Variants in MCFD2 observed in about 807,000 individuals in gnomAD.
MCFD2 encodes the protein multiple coagulation factor deficiency 2, ER cargo receptor complex subunit, also known as multiple coagulation factor deficiency protein 2.
In MCFD2, 11 loss-of-function variants were observed where a neutral mutation model predicts 12.8. The ratio of observed to expected loss-of-function variants is 0.86; its 90% confidence interval spans 0.54 to 1.42. MCFD2 has a LOEUF of 1.42. Among genes scored for constraint, MCFD2 ranks in the 40% most tolerant of loss-of-function variants. MCFD2 has a pLI of 0.00. For missense variants in MCFD2, 191 were observed against 178.6 expected, an observed-to-expected ratio of 1.07 and a Z score of -0.40; for synonymous variants, 70 against 68.1, an observed-to-expected ratio of 1.03 and a Z score of -0.14.
At chr2:46,917,171 TC>T (rs1245659460), upstream of MCFD2, 1 of 701,516 alleles carries the variant, frequency 1.4e-6, no homozygotes, top group Non-Finnish European at 2.6e-6. Context: ...AATTTTTTTT[TC>T]TTTTTTTAAA....
At chr2:46,936,806 T>C (rs1326148757) in intron 1 of MCFD2, among the ~76,000 whole-genome samples, 1 of 151,918 alleles carries the variant, frequency 6.6e-6, no homozygotes, top group Non-Finnish European at 1.5e-5. Flanking sequence ...CATCCAGTGG[T>C]CTTCTTTTTT....
upstream of MCFD2, chr2:46,916,064 G>T (rs1668769923): frequency 3.0e-6 from 3 of 985,344 alleles, no homozygotes; most frequent in Non-Finnish European, 3.6e-6. Flanking sequence ...AGGCAACGCC[G>T]GAAGCCCTCA....
intron 1 of MCFD2, among the ~76,000 whole-genome samples, chr2:46,910,453 C>T (rs376951681): frequency 6.6e-6 from 1 of 152,214 alleles, no homozygotes; most frequent in African/African-American, 2.4e-5. Context: ...TTGTAGTCCA[C>T]AGCCCCAAAC....
chr2:46,916,959 C>A (rs2103785817), upstream of MCFD2, among the ~76,000 whole-genome samples: 1 of 151,688 alleles, frequency 6.6e-6, no homozygotes, highest in East Asian at 2.0e-4. Flanking sequence ...TAAAGCCCTT[C>A]TCCCATTTCT....
chr2:46,906,634 T>C (rs1036852652), intron 3 of MCFD2, among the ~76,000 whole-genome samples: 3 of 151,168 alleles, frequency 2.0e-5, no homozygotes, highest in Non-Finnish European at 3.0e-5. Flanking sequence ...GCAGCTGGGA[T>C]TACAGGCAAG....
At chr2:46,906,372 G>C (rs1263858214) in intron 3 of MCFD2, among the ~76,000 whole-genome samples, 1 of 151,712 alleles carries the variant, frequency 6.6e-6, no homozygotes, top group African/African-American at 2.4e-5. Flanking sequence ...TGCACTCCTA[G>C]CAGCGAATGT....
intron 1 of MCFD2, among the ~76,000 whole-genome samples, chr2:46,914,945 C>G (rs1006086631): frequency 1.3e-5 from 2 of 152,118 alleles, no homozygotes; most frequent in East Asian, 1.9e-4. Flanking sequence ...CTTTGCAAGC[C>G]CCGTTCAAGA....
chr2:46,914,275 T>A (rs1007345170), intron 1 of MCFD2, among the ~76,000 whole-genome samples: 2 of 152,230 alleles, frequency 1.3e-5, no homozygotes, highest in Non-Finnish European at 2.9e-5. Flanking sequence ...CCAGCCTTCC[T>A]GCCAGCAGCT....
At chr2:46,916,790 T>A (rs6733548), upstream of MCFD2, among the ~76,000 whole-genome samples, 31,929 of 151,704 alleles carry the variant, frequency 0.21, 5,242 homozygotes, top group African/African-American at 0.46. Context: ...GCGTGCCACC[T>A]TGCCCGGCTA....
chr2:46,924,099 G>T (rs1669261878), intron 1 of MCFD2, among the ~76,000 whole-genome samples: 1 of 151,880 alleles, frequency 6.6e-6, no homozygotes, highest in African/African-American at 2.4e-5. Context: ...AGCTACCCAG[G>T]AGGCAGAGGT....
chr2:46,925,549 CAATA>C (rs371347836), intron 1 of MCFD2, among the ~76,000 whole-genome samples: 37 of 152,038 alleles, frequency 2.4e-4, no homozygotes, highest in African/African-American at 8.4e-4. Context: ...CAAAGTGTCT[CAATA>C]AATAAATAAA....
At chr2:46,906,531 G>C (rs1668245413) in intron 3 of MCFD2, among the ~76,000 whole-genome samples, 1 of 143,634 alleles carries the variant, frequency 7.0e-6, no homozygotes, top group South Asian at 2.2e-4. Context: ...TGTCACCCAG[G>C]CTGGAGTCCA....
chr2:46,909,736 C>A (rs879401752), intron 1 of MCFD2, among the ~76,000 whole-genome samples: 11 of 152,150 alleles, frequency 7.2e-5, no homozygotes, highest in Non-Finnish European at 1.5e-4. Context: ...AGTAGTTCAG[C>A]TGGGCTGCAG....
chr2:46,905,088 A>G lies in MCFD2; in HGVS notation c.*375T>C, dbSNP rs957621417. The G allele has an allele frequency of 2.7e-5, 9 of 335,120 alleles. No homozygotes were observed. Among genetic ancestry groups the G allele is most frequent in the Non-Finnish European group, 5.1e-5 (9 of 177,080 alleles). 20.8% of individuals were successfully genotyped at this position (335,120 alleles called of 1,614,324 possible). A position where few individuals can be genotyped will look rare whatever the true frequency, so the allele number is the denominator to read the frequency against. The stretch of plus-strand genomic sequence containing the variant: ...TCCTCATTTTCTCTTGCTGCCATGT[A>G]AGAAGTGCCTTTCACCTCCCGCCAT... On this transcript the variant is annotated 3_prime_UTR_variant, in exon 4 of 4. Coordinates refer to ENST00000319466, the MANE Select transcript of MCFD2 (RefSeq NM_139279.6).
intron 1 of MCFD2, among the ~76,000 whole-genome samples, chr2:46,935,158 G>A (rs1669913597): frequency 2.0e-5 from 3 of 152,072 alleles, no homozygotes; most frequent in Admixed American, 2.0e-4. Context: ...AGAAGCGTTG[G>A]TCACTAGATG....
intron 1 of MCFD2, chr2:46,910,731 T>G (rs1668452595): frequency 6.6e-6 from 1 of 152,186 alleles, no homozygotes; most frequent in Non-Finnish European, 1.5e-5. Flanking sequence ...GGGACAATAG[T>G]CACTGGGATG....
At chr2:46,933,276 T>C (rs569316092) in intron 1 of MCFD2, among the ~76,000 whole-genome samples, 20 of 152,296 alleles carry the variant, frequency 1.3e-4, no homozygotes, top group East Asian at 9.6e-4. Flanking sequence ...TGGAGAGATA[T>C]TGGTATCTCA....
chr2:46,929,777 T>C (rs1190561861), intron 1 of MCFD2, among the ~76,000 whole-genome samples: 1 of 152,230 alleles, frequency 6.6e-6, no homozygotes, highest in Non-Finnish European at 1.5e-5. Flanking sequence ...TCACTGCCCA[T>C]CTCTGGGCAT....
rs950589313 is a variant in MCFD2, at chr2:46,904,875, T to A, written c.*588A>T. On this transcript the variant is annotated 3_prime_UTR_variant, in exon 4 of 4. Transcript: ENST00000319466. ...TGGAGGGGCCAGGGGTAGAATGATA[T>A]GGTTTGGCTATGTCCCCACCCAAAT... 11 of 177,980 alleles carry A rather than the reference T, an allele frequency of 6.2e-5. No individual in the cohort carries two copies. The highest frequency in any genetic ancestry group is 3.7e-4 in the South Asian group (3 of 8,022). 11.0% of individuals were successfully genotyped at this position (177,980 alleles called of 1,614,324 possible). A position where few individuals can be genotyped will look rare whatever the true frequency, so the allele number is the denominator to read the frequency against.
Sources: allele counts gnomAD v4.1 joint callset (sites outside exome capture counted in the v4.1 genomes callset), GRCh38; gene constraint gnomAD v4.1.1; transcripts MANE v1.5; gene names NCBI Gene and HGNC (gene_info 2026-07-23, HGNC 2026-07-21).